The following DACH2 variants were observed in gnomAD, a reference collection of about 807,000 sequenced individuals.
The protein encoded by DACH2 is dachshund family transcription factor 2, also known as dachshund homolog 2.
In DACH2, 17 loss-of-function variants were observed where a neutral mutation model predicts 35.8. The observed-to-expected ratio is 0.48, with a 90% CI of 0.33 to 0.71. The LOEUF is 0.71. Among genes scored for constraint, DACH2 ranks in the 30% least tolerant of loss-of-function variants. The pLI is 0.02. For missense variants in DACH2, 469 were observed against 472.7 expected, an observed-to-expected ratio of 0.99 and a Z score of 0.07; for synonymous variants, 195 against 177.3, an observed-to-expected ratio of 1.10 and a Z score of -0.79.
chrX:86,279,209 C>A (rs1165890769), intron 1 of DACH2, among the ~76,000 whole-genome samples: 1 of 112,093 alleles, frequency 8.9e-6, no homozygotes, highest in Admixed American at 9.4e-5. Context: ...GACAGACTGC[C>A]TCCTCAAGTA....
chrX:86,423,424 TG>T (rs1222923084), intron 2 of DACH2, among the ~76,000 whole-genome samples: 1 of 111,660 alleles, frequency 9.0e-6, no homozygotes, highest in East Asian at 2.8e-4. Context: ...TGATCAGTGA[TG>T]TTTTTCACCT....
intron 2 of DACH2, among the ~76,000 whole-genome samples, chrX:86,434,922 G>C (rs2037043423): frequency 9.0e-6 from 1 of 110,788 alleles, no homozygotes; most frequent in South Asian, 3.8e-4. Flanking sequence ...AGGAGAACGT[G>C]AGAGAGATTG....
chrX:86,205,470 TTCCCTCCTTCCCTCCTTCCC>T (rs1569301562), intron 1 of DACH2, among the ~76,000 whole-genome samples: 3 of 29,789 alleles, frequency 1.0e-4, no homozygotes, highest in African/African-American at 6.5e-4. Flanking sequence ...CCCTCCCTCC[TTCCCTCCTTCCCTCCTTCCC>T]TCCTTCCTTC....
At chrX:86,688,876 G>A (rs2040978287) in intron 4 of DACH2, among the ~76,000 whole-genome samples, 1 of 111,893 alleles carries the variant, frequency 8.9e-6, no homozygotes, top group Admixed American at 9.5e-5. Flanking sequence ...TGGACTTTGA[G>A]CACTTGTAAT....
intron 4 of DACH2, among the ~76,000 whole-genome samples, chrX:86,657,095 G>T (rs1289020199): frequency 9.3e-6 from 1 of 107,401 alleles, no homozygotes; most frequent in Non-Finnish European, 1.9e-5. Flanking sequence ...AAGGGTAGTG[G>T]GGGGTGAGGT....
intron 3 of DACH2, among the ~76,000 whole-genome samples, chrX:86,529,260 G>A (rs1199588858): frequency 1.8e-5 from 2 of 110,781 alleles, no homozygotes; most frequent in Non-Finnish European, 1.9e-5. Context: ...GTTCACACTG[G>A]CCTTGAACTC....
intron 3 of DACH2, among the ~76,000 whole-genome samples, chrX:86,636,392 GAGCTGAGATCACC>G (rs1017230016): frequency 1.9e-5 from 2 of 106,567 alleles, no homozygotes; most frequent in Non-Finnish European, 3.9e-5. Context: ...AGGTTGCAGT[GAGCTGAGATCACC>G]CCATTGCATT....
Position 86,654,187 on chromosome X carries a change from TAA to T in DACH2, c.772+3046_772+3047del, listed in dbSNP as rs764775335. On this transcript the variant is annotated intron_variant, in intron 4 of 11. Transcript: ENST00000373125. Reference sequence around the variant, plus strand: ...GGCCCTGTCTCCCAAACATTTTTAGTAAAAAAAAAAAAAAAAAAAAAAAAAAA... The same window carrying T: ...GGCCCTGTCTCCCAAACATTTTTAGTAAAAAAAAAAAAAAAAAAAAAAAAA... 1.9e-3 allele frequency among the ~76,000 whole-genome samples: 76 copies of T among 40,448 alleles called. 2 individuals carry two copies. The highest frequency in any genetic ancestry group is 7.4e-3 in the East Asian group (10 of 1,354). 35.1% of individuals were successfully genotyped at this position (40,448 alleles called of 115,157 possible). A position where few individuals can be genotyped will look rare whatever the true frequency, so the allele number is the denominator to read the frequency against.
At chrX:86,492,864 C>T (rs2038113216) in intron 2 of DACH2, among the ~76,000 whole-genome samples, 1 of 111,554 alleles carries the variant, frequency 9.0e-6, no homozygotes, top group African/African-American at 3.3e-5. Flanking sequence ...TTGATGGGCA[C>T]CTACGTTGAT....
intron 1 of DACH2, among the ~76,000 whole-genome samples, chrX:86,233,643 A>G (rs1430857037): frequency 2.7e-5 from 3 of 111,532 alleles, no homozygotes; most frequent in African/African-American, 9.8e-5. Context: ...CTAGAGGGAG[A>G]CTGTATTAGT....
chrX:86,295,343 A>G (rs988986059), intron 1 of DACH2, among the ~76,000 whole-genome samples: 7 of 112,091 alleles, frequency 6.2e-5, no homozygotes, highest in African/African-American at 9.7e-5. Flanking sequence ...AGATGAACCC[A>G]GTACCTCAGA....
rs185500751 is a variant in DACH2, at chrX:86,404,823, G to A, written c.527+27961G>A. ...GTCTCCATGAGGGTTCCATCCCTGC[G>A]TAGACTTCTGCCTGGATATCCAGGC... On this transcript the variant is annotated intron_variant, in intron 2 of 11. Coordinates refer to ENST00000373125, the MANE Select transcript of DACH2 (RefSeq NM_053281.3). Among the ~76,000 whole-genome samples, 16 of 112,329 alleles carry A rather than the reference G, an allele frequency of 1.4e-4. No homozygotes were observed. In the East Asian group the frequency reaches 2.8e-3, roughly 20 times the overall value.
At chrX:86,244,452 A>G (rs2033236137) in intron 1 of DACH2, among the ~76,000 whole-genome samples, 1 of 111,780 alleles carries the variant, frequency 8.9e-6, no homozygotes, top group Non-Finnish European at 1.9e-5. Flanking sequence ...AAAATATCCA[A>G]TTTCCTCCAA....
chrX:86,366,571 C>T (rs2035809501), intron 1 of DACH2, among the ~76,000 whole-genome samples: 1 of 110,695 alleles, frequency 9.0e-6, no homozygotes, highest in Non-Finnish European at 1.9e-5. Context: ...TCCTAATAAC[C>T]CCACTTAGAA....
chrX:86,789,476 T>A (rs1457027018), intron 7 of DACH2, among the ~76,000 whole-genome samples: 7 of 111,780 alleles, frequency 6.3e-5, no homozygotes, highest in Non-Finnish European at 1.3e-4. Flanking sequence ...ATAATTTTTT[T>A]AAAAATTCCA....
At chrX:86,754,227 A>G (rs1055469721) in intron 7 of DACH2, among the ~76,000 whole-genome samples, 2 of 111,723 alleles carry the variant, frequency 1.8e-5, no homozygotes, top group African/African-American at 3.2e-5. Context: ...TCAACAGAAT[A>G]AAACTAAAGA....
chrX:86,794,734 T>C (rs746368816), intron 7 of DACH2, among the ~76,000 whole-genome samples: 12 of 111,861 alleles, frequency 1.1e-4, no homozygotes, highest in Non-Finnish European at 1.5e-4. Flanking sequence ...AGAAAGTATC[T>C]TCTGGAAACT....
At chrX:86,292,486 C>T (rs781674473) in intron 1 of DACH2, among the ~76,000 whole-genome samples, 1 of 109,917 alleles carries the variant, frequency 9.1e-6, no homozygotes, top group Admixed American at 9.8e-5. Flanking sequence ...TGTGTTTGCT[C>T]TTGCTTTTCT....
intron 7 of DACH2, chrX:86,742,695 A>G (rs1228426778): frequency 3.3e-6 from 1 of 301,881 alleles, no homozygotes; most frequent in Non-Finnish European, 6.4e-6. Flanking sequence ...ATAATGGACT[A>G]ACCATCAAAA....
Sources: gnomAD v4.1 joint callset for allele counts (sites outside exome capture counted in the v4.1 genomes callset) on GRCh38, gnomAD v4.1.1 for gene constraint, MANE v1.5 for transcripts, NCBI Gene and HGNC (gene_info 2026-07-23, HGNC 2026-07-21) for gene names.